ARHGAP22: variants seen among roughly 807,000 people sequenced by gnomAD.
ARHGAP22 encodes the protein Rho GTPase activating protein 22, also known as rho GTPase-activating protein 22.
Under a neutral mutation model 59.1 loss-of-function variants are expected in ARHGAP22, and 48 were observed. The observed-to-expected ratio is 0.81, with a 90% CI of 0.64 to 1.03. ARHGAP22 has a LOEUF of 1.03. ARHGAP22 is among the 50% of genes least tolerant of loss of function. The pLI is 0.00. For missense variants in ARHGAP22, 1,015 were observed against 958.7 expected, an observed-to-expected ratio of 1.06 and a Z score of -0.78; for synonymous variants, 445 against 416.4, an observed-to-expected ratio of 1.07 and a Z score of -0.84.
intron 3 of ARHGAP22, among the ~76,000 whole-genome samples, chr10:48,515,434 TC>T (rs1363393656): frequency 1.3e-5 from 2 of 152,102 alleles, no homozygotes; most frequent in East Asian, 3.8e-4. Flanking sequence ...ACCCCATAAT[TC>T]ACATGACAAA....
At chr10:48,465,733 G>A (rs983520408) in intron 4 of ARHGAP22, among the ~76,000 whole-genome samples, 4 of 152,314 alleles carry the variant, frequency 2.6e-5, no homozygotes, top group East Asian at 1.9e-4. Flanking sequence ...ACATAGTCTG[G>A]GAAGAGGCAC....
chr10:48,495,133 T>G (rs562576180), intron 3 of ARHGAP22, among the ~76,000 whole-genome samples: 1 of 152,218 alleles, frequency 6.6e-6, no homozygotes, highest in Non-Finnish European at 1.5e-5. Context: ...TATGAAGGAA[T>G]GTATGACTGT....
Position 48,469,123 on chromosome 10 carries a change from C to T in ARHGAP22, c.452-9232G>A, listed in dbSNP as rs1320526191. ...TTTCTCTGCTCTGAGCCATGGTTTC[C>T]CTGCCTGTGTCTTCAGAGTCAGACT... On this transcript the variant is annotated intron_variant, in intron 4 of 9. Transcript: ENST00000249601. Among the ~76,000 whole-genome samples, 3 of 152,342 alleles carry T rather than the reference C, an allele frequency of 2.0e-5. No individual in the cohort carries two copies. The East Asian group carries it at 5.8e-4, about 29-fold the overall frequency.
chr10:48,516,013 C>CA (rs141729272), intron 3 of ARHGAP22, among the ~76,000 whole-genome samples: 78,013 of 146,754 alleles, frequency 0.53, 22,696 homozygotes, highest in Middle Eastern at 0.74. Context: ...GACCTTAACT[C>CA]AAAAAAAAAC....
At chr10:48,481,141 T>C (rs980561621) in intron 3 of ARHGAP22, among the ~76,000 whole-genome samples, 6 of 152,004 alleles carry the variant, frequency 3.9e-5, no homozygotes, top group African/African-American at 1.4e-4. Flanking sequence ...TGGAGGTCGG[T>C]AGGAAGGAAG....
upstream of ARHGAP22, among the ~76,000 whole-genome samples, chr10:48,653,816 C>T (rs746549903): frequency 1.3e-5 from 2 of 152,130 alleles, no homozygotes; most frequent in Admixed American, 6.5e-5. Context: ...TTTCCATTTT[C>T]GAGTGCTTGG....
chr10:48,618,897 G>A (rs1167910837), intron 1 of ARHGAP22, among the ~76,000 whole-genome samples: 2 of 152,040 alleles, frequency 1.3e-5, no homozygotes, highest in African/African-American at 4.8e-5. Flanking sequence ...GGTTGCAAAG[G>A]AGAAAGTCAA....
chr10:48,608,709 T>C (rs1344729782), upstream of ARHGAP22, among the ~76,000 whole-genome samples: 1 of 152,220 alleles, frequency 6.6e-6, no homozygotes, highest in African/African-American at 2.4e-5. Context: ...TTTCTCCTTC[T>C]GTCTATCCCA....
At chr10:48,454,501 AC>A (rs1320934271) in intron 6 of ARHGAP22, among the ~76,000 whole-genome samples, 1 of 152,154 alleles carries the variant, frequency 6.6e-6, no homozygotes, top group Non-Finnish European at 1.5e-5. Flanking sequence ...GGGAAGGCAA[AC>A]AGTCCTTCCC....
chr10:48,568,855 C>A (rs1237622544), intron 2 of ARHGAP22, among the ~76,000 whole-genome samples: 1 of 152,226 alleles, frequency 6.6e-6, no homozygotes, highest in African/African-American at 2.4e-5. Flanking sequence ...TCTTCCATGC[C>A]ATGGTCCCTG....
chr10:48,438,784 C>T, the ARHGAP22 span: 5 of 152,140 alleles, frequency 3.3e-5, no homozygotes, highest in Non-Finnish European at 7.3e-5. Context: ...GTAAGAGACA[C>T]GTGTAAAATC....
intron 1 of ARHGAP22, among the ~76,000 whole-genome samples, chr10:48,651,413 T>A (rs1211188332): frequency 6.6e-6 from 1 of 151,028 alleles, no homozygotes; most frequent in African/African-American, 2.4e-5. Flanking sequence ...ATCACCTGCA[T>A]AGTCCACCCA....
At chr10:48,615,149 A>C (rs188801251) in intron 1 of ARHGAP22, among the ~76,000 whole-genome samples, 8 of 152,336 alleles carry the variant, frequency 5.3e-5, no homozygotes, top group East Asian at 3.9e-4. Context: ...GGAAAGACCC[A>C]AAAAGACCTG....
chr10:48,495,084 C>T (rs1372669583), intron 3 of ARHGAP22, among the ~76,000 whole-genome samples: 10 of 152,190 alleles, frequency 6.6e-5, no homozygotes, highest in Admixed American at 5.2e-4. Flanking sequence ...TGTCTGCATA[C>T]GTGTTTACTG....
At chr10:48,618,325 T>A (rs1156560930) in intron 1 of ARHGAP22, among the ~76,000 whole-genome samples, 2 of 152,032 alleles carry the variant, frequency 1.3e-5, no homozygotes, top group Non-Finnish European at 2.9e-5. Context: ...GAGGAGGGAA[T>A]TCTCCCAAAT....
chr10:48,485,256 C>T (rs2049740776), intron 3 of ARHGAP22, among the ~76,000 whole-genome samples: 1 of 152,048 alleles, frequency 6.6e-6, no homozygotes, highest in African/African-American at 2.4e-5. Flanking sequence ...CTATAATTGT[C>T]CCTGAACTAC....
chr10:48,461,243 T>C (rs1028093821), intron 4 of ARHGAP22, among the ~76,000 whole-genome samples: 2 of 152,204 alleles, frequency 1.3e-5, no homozygotes, highest in East Asian at 3.8e-4. Flanking sequence ...TCCATGTATG[T>C]AAAGTTAAAA....
At chr10:48,568,127 C>T (rs1260005037) in intron 2 of ARHGAP22, among the ~76,000 whole-genome samples, 1 of 152,184 alleles carries the variant, frequency 6.6e-6, no homozygotes, top group Non-Finnish European at 1.5e-5. Context: ...CCTTGGGCTG[C>T]TGGGAGCTGT....
At chr10:48,473,955 G>A (rs1426159992) in intron 4 of ARHGAP22, among the ~76,000 whole-genome samples, 1 of 152,174 alleles carries the variant, frequency 6.6e-6, no homozygotes, top group East Asian at 1.9e-4. Context: ...CTCTCAGAGA[G>A]AGCTGGCAAG....
Sources: gnomAD v4.1 joint callset for allele counts (sites outside exome capture counted in the v4.1 genomes callset) on GRCh38, gnomAD v4.1.1 for gene constraint, MANE v1.5 for transcripts, NCBI Gene and HGNC (gene_info 2026-07-23, HGNC 2026-07-21) for gene names.